TRMT44: variants seen among roughly 807,000 people sequenced by gnomAD.
TRMT44 encodes tRNA methyltransferase 44 homolog, also known as probable tRNA (uracil-O(2)-)-methyltransferase.
A neutral mutation model predicts 77.3 loss-of-function variants in TRMT44; 78 were observed. The observed-to-expected ratio is 1.01, with a 90% CI of 0.84 to 1.22. The LOEUF (loss-of-function observed/expected upper bound fraction) is 1.22. Ranked by LOEUF, TRMT44 falls within the 50% of genes most tolerant of loss-of-function variation. The probability of loss-of-function intolerance (pLI) is 0.00; values close to 1 mark genes in which losing one functional copy is unlikely to be tolerated. For missense variants in TRMT44, 1,090 were observed against 964.4 expected, an observed-to-expected ratio of 1.13 and a Z score of -1.73; for synonymous variants, 391 against 383.3, an observed-to-expected ratio of 1.02 and a Z score of -0.23.
intron 6 of TRMT44, among the ~76,000 whole-genome samples, chr4:8,455,135 C>G (rs1197874015): frequency 6.6e-6 from 1 of 152,162 alleles, no homozygotes; most frequent in Non-Finnish European, 1.5e-5. Context: ...GTGCATTTTG[C>G]GAAGTCTTCT....
At chr4:8,513,732 A>C in the TRMT44 span, among the ~76,000 whole-genome samples, 1 of 152,220 alleles carries the variant, frequency 6.6e-6, no homozygotes, top group African/African-American at 2.4e-5. Flanking sequence ...GTTTTTAAAA[A>C]GACACATCAC....
downstream of TRMT44, among the ~76,000 whole-genome samples, chr4:8,496,864 A>G (rs1451630913): frequency 6.6e-6 from 1 of 150,614 alleles, no homozygotes; most frequent in Non-Finnish European, 1.5e-5. Context: ...TTTTAAAAGG[A>G]GTTTAGTGAT....
chr4:8,462,673 C>G (rs1278590346), intron 6 of TRMT44, among the ~76,000 whole-genome samples: 1 of 152,164 alleles, frequency 6.6e-6, no homozygotes, highest in East Asian at 1.9e-4. Context: ...CCACTGCACT[C>G]CAGCCTGGTG....
intron 2 of TRMT44, chr4:8,482,405 G>C (rs1188258728): frequency 2.0e-5 from 3 of 152,370 alleles, no homozygotes; most frequent in Non-Finnish European, 4.4e-5. Context: ...CCTTTCATGA[G>C]CGTCCGCGTG....
chr4:8,449,949 C>CTTTTTAT, intron 3 of TRMT44, 61 bp downstream of exon 3: 1 of 238,690 alleles, frequency 4.2e-6, no homozygotes, highest in Non-Finnish European at 6.1e-6. Flanking sequence ...CTTTTCTTTT[C>CTTTTTAT]TTTTTTTTTT....
downstream of TRMT44, among the ~76,000 whole-genome samples, chr4:8,495,356 C>T (rs553512973): frequency 4.7e-4 from 72 of 152,310 alleles, no homozygotes; most frequent in Middle Eastern, 3.4e-3. Flanking sequence ...AGGATTTCCA[C>T]GCTGGGCTGC....
chr4:8,450,107 C>T (rs182350895), intron 3 of TRMT44, among the ~76,000 whole-genome samples: 15 of 151,816 alleles, frequency 9.9e-5, no homozygotes, highest in African/African-American at 3.4e-4. Context: ...GCTGGGACTA[C>T]AGGAACATGC....
the TRMT44 span, among the ~76,000 whole-genome samples, chr4:8,516,021 C>T: frequency 5.3e-5 from 8 of 152,288 alleles, no homozygotes; most frequent in Admixed American, 3.9e-4. Context: ...GTCTCTCCCC[C>T]ACGACAAGAT....
chr4:8,463,160 CT>C (rs1726277803), intron 6 of TRMT44, among the ~76,000 whole-genome samples: 1 of 152,190 alleles, frequency 6.6e-6, no homozygotes. Context: ...GGAATAACTT[CT>C]GTTCACTTAT....
chr4:8,448,775 C>G (rs1212996654), intron 2 of TRMT44, among the ~76,000 whole-genome samples: 2 of 152,256 alleles, frequency 1.3e-5, no homozygotes, highest in African/African-American at 4.8e-5. Flanking sequence ...AACCTGGAAA[C>G]CACAGCTCTC....
At chr4:8,488,059 G>A (rs907376165) in intron 2 of TRMT44, among the ~76,000 whole-genome samples, 4 of 152,210 alleles carry the variant, frequency 2.6e-5, no homozygotes, top group Non-Finnish European at 4.4e-5. Flanking sequence ...AAAGGAGAAA[G>A]AGGTTGAGTG....
chr4:8,492,985 A>G (rs1056249958), intron 2 of TRMT44, among the ~76,000 whole-genome samples: 13 of 152,204 alleles, frequency 8.5e-5, no homozygotes, highest in Admixed American at 8.5e-4. Context: ...ACGGGCACAC[A>G]TCCTTAACTT....
intron 6 of TRMT44, among the ~76,000 whole-genome samples, chr4:8,460,581 AG>A (rs1371317418): frequency 4.1e-5 from 6 of 146,328 alleles, no homozygotes; most frequent in Non-Finnish European, 7.5e-5. Flanking sequence ...TTTTTTTTTG[AG>A]AACTATCACC....
chr4:8,474,873 G>A (rs922629703), intron 10 of TRMT44, among the ~76,000 whole-genome samples: 5 of 152,168 alleles, frequency 3.3e-5, no homozygotes, highest in African/African-American at 1.2e-4. Context: ...GGAGGCCTGC[G>A]AGGCCTGGGA....
At chr4:8,513,583 T>C in the TRMT44 span, among the ~76,000 whole-genome samples, 1 of 152,160 alleles carries the variant, frequency 6.6e-6, no homozygotes, top group African/African-American at 2.4e-5. Context: ...AAAGCCACCA[T>C]GGAGAATAAA....
intron 10 of TRMT44, 78 bp from the exon 11 acceptor site, chr4:8,475,694 G>A: frequency 7.2e-7 from 1 of 1,387,988 alleles, no homozygotes; most frequent in South Asian, 1.3e-5. Flanking sequence ...CCCGTGGCGT[G>A]GGAGCTAAAG....
the TRMT44 span, chr4:8,510,476 T>C: frequency 2.0e-5 from 3 of 152,898 alleles, no homozygotes; most frequent in African/African-American, 7.2e-5. Context: ...CCTTCATGCC[T>C]GCATGGTGTC....
rs1375910632 is a variant in TRMT44, at chr4:8,451,815, G to T, written c.955-145G>T. The T allele has an allele frequency of 2.8e-6, 2 of 702,010 alleles. No homozygotes were observed. Among genetic ancestry groups the T allele is most frequent in the African/African-American group, 3.6e-5 (2 of 56,114 alleles). 43.5% of individuals were successfully genotyped at this position (702,010 alleles called of 1,614,324 possible). On this transcript the variant is annotated intron_variant, in intron 3 of 10. Coordinates refer to ENST00000389737, the MANE Select transcript of TRMT44 (RefSeq NM_152544.3). This position sits in a 1 kb window ranked among gnomAD's most constrained non-coding sequence, Gnocchi z 4.1. Reference sequence around the variant, plus strand: ...AATCTTTTATTGTAAGAAACCAGTTGTGAATTCCTGCCTTTGAGCTTATGT... The same window carrying T: ...AATCTTTTATTGTAAGAAACCAGTTTTGAATTCCTGCCTTTGAGCTTATGT...
At chr4:8,492,786 C>T (rs1296523493) in intron 2 of TRMT44, among the ~76,000 whole-genome samples, 2 of 152,190 alleles carry the variant, frequency 1.3e-5, no homozygotes, top group Non-Finnish European at 2.9e-5. Flanking sequence ...AAGAATGCAA[C>T]CGTTTGCCTC....
Sources: allele counts gnomAD v4.1 joint callset (sites outside exome capture counted in the v4.1 genomes callset), GRCh38; gene constraint gnomAD v4.1.1; non-coding constraint Gnocchi (gnomAD v3.1); transcripts MANE v1.5; gene names NCBI Gene and HGNC (gene_info 2026-07-23, HGNC 2026-07-21).